The following MAP3K10 variants were observed in gnomAD, a reference collection of about 807,000 sequenced individuals.
MAP3K10 encodes the protein mitogen-activated protein kinase kinase kinase 10, also known as MKN28 derived nonreceptor_type serine/threonine kinase.
MAP3K10 carries 22 observed loss-of-function variants against 75.0 expected under a neutral mutation model. The observed-to-expected ratio is 0.29, with a 90% CI of 0.21 to 0.42. The LOEUF (loss-of-function observed/expected upper bound fraction) is 0.42, where lower values mean the gene tolerates loss of function less well. Among genes scored for constraint, MAP3K10 ranks in the 10% least tolerant of loss-of-function variants. The probability of loss-of-function intolerance (pLI) is 1.00; values close to 1 mark genes in which losing one functional copy is unlikely to be tolerated. For missense variants in MAP3K10, 1,165 were observed against 1,379.8 expected, an observed-to-expected ratio of 0.84 and a Z score of 2.47; for synonymous variants, 599 against 612.9, an observed-to-expected ratio of 0.98 and a Z score of 0.34.
intron 6 of MAP3K10, among the ~76,000 whole-genome samples, chr19:40,211,284 C>T (rs1973233160): frequency 6.7e-6 from 1 of 148,886 alleles, no homozygotes. Context: ...AGGCAGGGCC[C>T]TGAGAGCAGG....
At chr19:40,206,208 C>T in intron 5 of MAP3K10, 51 bp downstream of exon 5, 2 of 1,531,192 alleles carry the variant, frequency 1.3e-6, no homozygotes, top group African/African-American at 1.4e-5. Context: ...TGGGAGCAGC[C>T]CCGACCTAGG....
At position 40,191,972 on chromosome 19, in the gene MAP3K10, C is replaced by T. The variant is rs1198932467; in HGVS notation, c.-60C>T. The T allele has an allele frequency of 2.4e-6, 3 of 1,225,268 alleles. No individual in the cohort carries two copies. Among genetic ancestry groups the T allele is most frequent in the Non-Finnish European group, 3.2e-6 (3 of 925,204 alleles). The allele number at this position is 1,225,268 out of a possible 1,614,324, so 75.9% of individuals were successfully genotyped here. A position where few individuals can be genotyped will look rare whatever the true frequency, so the allele number is the denominator to read the frequency against. ...TCCATCCCGGCCGCCGGGGCCCGCC[C>T]TCTGCATCCCGCGGGCAGCCTGTGT... On this transcript the variant is annotated 5_prime_UTR_variant, in exon 1 of 10. Coordinates refer to ENST00000253055, the MANE Select transcript of MAP3K10 (RefSeq NM_002446.4).
At position 40,215,024 on chromosome 19, in the gene MAP3K10, C is replaced by T; in HGVS notation, c.2597C>T (p.Pro866Leu). The T allele has an allele frequency of 6.2e-7, 1 of 1,602,148 alleles. No homozygotes were observed. Among genetic ancestry groups the T allele is most frequent in the Non-Finnish European group, 8.5e-7 (1 of 1,173,710 alleles). Reference protein sequence around the residue: ...PRLPDPQALFPARRRPPEFPG... With the variant: ...PRLPDPQALFLARRRPPEFPG... ...CTGCCCGACCCCCAGGCCCTGTTCCCAGCCCGCCGCCGGCCCCCTGAGTTC... is the reference window on the plus strand; with the variant it reads ...CTGCCCGACCCCCAGGCCCTGTTCCTAGCCCGCCGCCGGCCCCCTGAGTTC... Residue 866 changes from proline to leucine, a missense_variant, in exon 10 of 10, where the codon CCA (proline) becomes CTA (leucine). Transcript: ENST00000253055.
In MAP3K10 at chr19:40,206,133, G is replaced by T; in HGVS notation, c.1411G>T (p.Gly471Cys). Residue 471 changes from glycine (G) to cysteine (C), a missense_variant, in exon 5 of 10, where the codon GGC becomes TGC. Transcript: ENST00000253055. ...CCGCCTGCTCAAGCTGCGGGAAGGCGGCAGCCACATCAGCCTGCCCTCTGG... is the reference window on the plus strand; with the variant it reads ...CCGCCTGCTCAAGCTGCGGGAAGGCTGCAGCCACATCAGCCTGCCCTCTGG... ...RSRLLKLREGGSHISLPSGFE... is the reference protein window; with the variant it reads ...RSRLLKLREGCSHISLPSGFE... 3 of 1,608,202 alleles carry T rather than the reference G, an allele frequency of 1.9e-6. No individual in the cohort carries two copies. Among genetic ancestry groups the T allele is most frequent in the Middle Eastern group, 1.7e-4 (1 of 6,040 alleles).
intron 9 of MAP3K10, among the ~76,000 whole-genome samples, chr19:40,214,558 C>A (rs1973314602): frequency 6.6e-6 from 1 of 152,168 alleles, no homozygotes; most frequent in South Asian, 2.1e-4. Context: ...TATTAAGTAC[C>A]CACGTCAGGC....
Position 40,213,536 on chromosome 19 carries a change from G to A in MAP3K10, c.1857G>A (p.Glu619=). ...TTGCAGAGGAGTTCGCGGAGGCAGA[G>A]GATGGAGGCAGCAGCGTGCCCCCTT... ...LNEMEEFAEA[E]DGGSSVPPSP... The change falls in exon 9 of 10, where the codon GAG becomes GAA. Residue 619 remains glutamate (E), a synonymous_variant. Transcript: ENST00000253055. The surrounding 1 kb of genome is among the most constrained non-coding windows in gnomAD (Gnocchi z 5.7). 1.2e-6 allele frequency: 2 copies of A among 1,612,108 alleles called. No individual in the cohort carries two copies. The highest frequency in any genetic ancestry group is 8.5e-7 in the Non-Finnish European group (1 of 1,179,398).
chr19:40,211,395 T>TG (rs984376494), intron 6 of MAP3K10, among the ~76,000 whole-genome samples: 1 of 151,662 alleles, frequency 6.6e-6, no homozygotes, highest in African/African-American at 2.4e-5. Context: ...TTTTTAGTTC[T>TG]GGGGTACGTG....
At chr19:40,214,763 T>C (rs751263355) in intron 9 of MAP3K10, among the ~76,000 whole-genome samples, 10 of 151,846 alleles carry the variant, frequency 6.6e-5, no homozygotes, top group Non-Finnish European at 1.3e-4. Context: ...CATGCCAGGG[T>C]CCACCCAGAG....
In MAP3K10 at chr19:40,191,522, C is replaced by T. The variant is rs1446775723; in HGVS notation, c.-510C>T. 6.7e-6 allele frequency among the ~76,000 whole-genome samples: 1 copy of T among 149,466 alleles called. No individual in the cohort carries two copies. The highest frequency in any genetic ancestry group is 6.7e-5 in the Admixed American group (1 of 15,010). On this transcript the variant is annotated 5_prime_UTR_variant, in exon 1 of 10. Coordinates refer to ENST00000253055, the MANE Select transcript of MAP3K10 (RefSeq NM_002446.4). ...GCCGGTGCCAAGGATGGGGGCCGCC[C>T]GGCTGCCCCGCGCGTGAGGAGGCCG...
At chr19:40,208,363 T>TTTTA (rs1404145320) in intron 5 of MAP3K10, among the ~76,000 whole-genome samples, 1,384 of 111,872 alleles carry the variant, frequency 0.012, 30 homozygotes, top group African/African-American at 0.037. Context: ...TTTTTTTTTT[T>TTTTA]TTTTTTGTAT....
At chr19:40,194,895 A>G (rs1286746747) in intron 1 of MAP3K10, among the ~76,000 whole-genome samples, 1 of 152,178 alleles carries the variant, frequency 6.6e-6, no homozygotes, top group Non-Finnish European at 1.5e-5. Context: ...AATTTCAGAG[A>G]GTATCAGGGG....
At position 40,213,933 on chromosome 19, in the gene MAP3K10, G is replaced by C; in HGVS notation, c.2254G>C (p.Val752Leu). The change falls in exon 9 of 10, where the codon GTG becomes CTG. Residue 752 changes from valine to leucine, a missense_variant. Physicochemically the swap from Val to Leu is conservative, Grantham distance 32. Coordinates refer to ENST00000253055, the MANE Select transcript of MAP3K10 (RefSeq NM_002446.4). The surrounding 1 kb of genome is among the most constrained non-coding windows in gnomAD (Gnocchi z 5.7). The part of the protein sequence containing the change: ...PSATLVSLSS[V>L]SDCNSTRSLL... ...GGCCACCCTCGTGTCGCTGTCGTCC[G>C]TGTCCGACTGCAACTCCACGCGTTC... The C allele has an allele frequency of 6.5e-7, 1 of 1,528,336 alleles. No individual in the cohort carries two copies. The highest frequency in any genetic ancestry group is 8.7e-7 in the Non-Finnish European group (1 of 1,145,588). 94.7% of individuals were successfully genotyped at this position (1,528,336 alleles called of 1,614,324 possible).
In MAP3K10 at chr19:40,213,150, C is replaced by A. The variant is rs762431180; in HGVS notation, c.1799C>A (p.Thr600Lys). ...APNLGKSPKH[T>K]PIAPGFASLN... The stretch of plus-strand genomic sequence containing the variant: ...AACCTGGGCAAGTCCCCCAAACACA[C>A]ACCCATCGCCCCTGGCTTTGCCAGC... Residue 600 changes from threonine to lysine, a missense_variant, in exon 8 of 10, where the codon ACA becomes AAA. Around this residue, in one of 2 missense-constraint regions of MAP3K10, gnomAD observed 590 missense variants for 586.6 expected, o/e 1.01. Transcript: ENST00000253055. This position sits in a 1 kb window ranked among gnomAD's most constrained non-coding sequence, Gnocchi z 5.7. 4.4e-6 allele frequency: 7 copies of A among 1,597,208 alleles called. No homozygotes were observed. The highest frequency in any genetic ancestry group is 6.0e-6 in the Non-Finnish European group (7 of 1,172,986).
intron 5 of MAP3K10, among the ~76,000 whole-genome samples, chr19:40,206,866 C>T (rs1219618071): frequency 1.3e-5 from 2 of 152,032 alleles, no homozygotes; most frequent in African/African-American, 4.8e-5. Flanking sequence ...GGCCAAAGTG[C>T]GTAGATCACT....
intron 5 of MAP3K10, chr19:40,206,402 CAAA>C (rs74915410): frequency 5.1e-5 from 16 of 314,814 alleles, no homozygotes; most frequent in Non-Finnish European, 5.6e-5. Flanking sequence ...CCATATTTAC[CAAA>C]AAAAAAAAAA....
At chr19:40,209,725 T>C (rs1482974629) in intron 6 of MAP3K10, among the ~76,000 whole-genome samples, 2 of 152,022 alleles carry the variant, frequency 1.3e-5, no homozygotes, top group African/African-American at 4.8e-5. Context: ...CAGGATAATT[T>C]CTAGTAGTGA....
chr19:40,194,660 G>A (rs955312387), intron 1 of MAP3K10, among the ~76,000 whole-genome samples: 3 of 152,154 alleles, frequency 2.0e-5, no homozygotes, highest in East Asian at 1.9e-4. Flanking sequence ...AGGACACAGC[G>A]CCTCCACAGC....
intron 1 of MAP3K10, among the ~76,000 whole-genome samples, chr19:40,195,491 T>C (rs1972889286): frequency 1.1e-5 from 1 of 88,830 alleles, no homozygotes; most frequent in Non-Finnish European, 2.1e-5. Flanking sequence ...TTTTTTTTTT[T>C]TTTTTTTTTT....
chr19:40,198,392 A>G lies in MAP3K10; in HGVS notation c.700A>G (p.Ile234Val). The G allele has an allele frequency of 1.2e-6, 2 of 1,613,500 alleles. No homozygotes were observed. Among genetic ancestry groups the G allele is most frequent in the Non-Finnish European group, 1.7e-6 (2 of 1,179,774 alleles). ...CCCCACAGTCCTGATCCTGGAGGCC[A>G]TCGAGAACCACAACCTCGCAGACAC... is the stretch of plus-strand genomic sequence containing the variant. ...KSINILILEAIENHNLADTVL... is the reference protein window; with the variant it reads ...KSINILILEAVENHNLADTVL... The change falls in exon 2 of 10, where the codon ATC becomes GTC. Residue 234 changes from isoleucine to valine, a missense_variant. Ile to Val is a conservative substitution (Grantham distance 29, BLOSUM62 3). Transcript: ENST00000253055. The surrounding 1 kb of genome is among the most constrained non-coding windows in gnomAD (Gnocchi z 4.3).
Sources: allele counts gnomAD v4.1 joint callset (sites outside exome capture counted in the v4.1 genomes callset), GRCh38; gene constraint gnomAD v4.1.1; regional missense constraint gnomAD v4.1.1; non-coding constraint Gnocchi (gnomAD v3.1); transcripts MANE v1.5; gene names NCBI Gene and HGNC (gene_info 2026-07-23, HGNC 2026-07-21).